Variants in MAGI1 observed in about 807,000 individuals in gnomAD.
MAGI1 encodes membrane-associated guanylate kinase, WW and PDZ domain-containing protein 1.
MAGI1 carries 58 observed loss-of-function variants against 139.9 expected under a neutral mutation model. The ratio of observed to expected loss-of-function variants is 0.41; its 90% CI spans 0.34 to 0.52. The LOEUF (loss-of-function observed/expected upper bound fraction) is 0.52. Ranked by LOEUF, MAGI1 falls within the 20% of genes least tolerant of loss-of-function variation. The pLI is 0.12. For missense variants in MAGI1, 1,874 were observed against 1,901.6 expected, an observed-to-expected ratio of 0.99 and a Z score of 0.27; for synonymous variants, 812 against 737.9, an observed-to-expected ratio of 1.10 and a Z score of -1.63.
At chr3:65,737,257 A>G (rs1225570871) in intron 1 of MAGI1, among the ~76,000 whole-genome samples, 1 of 152,198 alleles carries the variant, frequency 6.6e-6, no homozygotes, top group South Asian at 2.1e-4. Flanking sequence ...CACCTGCCTC[A>G]GCCTCCCAAA....
intron 1 of MAGI1, among the ~76,000 whole-genome samples, chr3:65,899,508 A>G (rs2061127830): frequency 6.6e-6 from 1 of 152,246 alleles, no homozygotes. Context: ...AGAGGTGCTG[A>G]CAGATAATGG....
chr3:65,478,620 G>T lies in MAGI1; in HGVS notation c.729C>A (p.Asp243Glu). 1 of 1,613,986 alleles carries T rather than the reference G, an allele frequency of 6.2e-7. No individual in the cohort carries two copies. Among genetic ancestry groups the T allele is most frequent in the Non-Finnish European group, 8.5e-7 (1 of 1,179,960 alleles). The change falls in exon 4 of 23, where the codon GAC becomes GAA. Residue 243 changes from aspartate (D) to glutamate (E), a missense_variant. Asp to Glu is a conservative substitution (Grantham distance 45). This residue lies in a region of MAGI1 where 648 missense variants were observed against 598.1 expected (regional missense o/e 1.08). Transcript: ENST00000402939. ...IVHAENEEED[D>E]VPEMNSSFTA... Reference sequence around the variant, plus strand: ...TAAAGCTGCTGTTCATTTCAGGAACGTCATCCTCCTCCTCATTCTCCGCGT... The same window carrying T: ...TAAAGCTGCTGTTCATTTCAGGAACTTCATCCTCCTCCTCATTCTCCGCGT...
At chr3:65,636,262 G>T (rs2084608241) in intron 1 of MAGI1, among the ~76,000 whole-genome samples, 1 of 152,078 alleles carries the variant, frequency 6.6e-6, no homozygotes, top group African/African-American at 2.4e-5. Context: ...CTCTCTGATT[G>T]ACCACAGCTC....
chr3:65,809,930 C>A (rs937135348), intron 1 of MAGI1, among the ~76,000 whole-genome samples: 5 of 151,948 alleles, frequency 3.3e-5, no homozygotes, highest in Non-Finnish European at 1.5e-5. Flanking sequence ...CCCACCCCAA[C>A]TCTTCTCCCA....
chr3:65,731,309 C>T (rs959681445), intron 1 of MAGI1, among the ~76,000 whole-genome samples: 2 of 152,028 alleles, frequency 1.3e-5, no homozygotes, highest in East Asian at 3.9e-4. Context: ...TCACACAGTC[C>T]ACCTTAAAAC....
At chr3:65,774,322 T>C (rs1192034147) in intron 1 of MAGI1, among the ~76,000 whole-genome samples, 1 of 152,196 alleles carries the variant, frequency 6.6e-6, no homozygotes, top group African/African-American at 2.4e-5. Flanking sequence ...AATACCACTG[T>C]TGTCTCCACC....
chr3:65,826,401 T>G (rs1172242589), intron 1 of MAGI1, among the ~76,000 whole-genome samples: 1 of 152,230 alleles, frequency 6.6e-6, no homozygotes, highest in African/African-American at 2.4e-5. Context: ...TTTAAACATG[T>G]GTTGAAAGAG....
rs1332260829 is a variant in MAGI1 at position 65,530,173 on chromosome 3, T to C, written c.431-36542A>G. 3.3e-5 allele frequency among the ~76,000 whole-genome samples: 5 copies of C among 152,146 alleles called. No individual in the cohort carries two copies. In the South Asian group the frequency reaches 6.2e-4, roughly 19 times the overall value. On this transcript the variant is annotated intron_variant, in intron 2 of 22. Coordinates refer to ENST00000402939, the MANE Select transcript of MAGI1 (RefSeq NM_001033057.2). The stretch of plus-strand genomic sequence containing the variant: ...GCCATAATCATATCCAAGGTTAAAA[T>C]AGAGAAGGTGATCCCTAGTGTTCAG...
At chr3:65,850,570 C>T (rs1357621515) in intron 1 of MAGI1, among the ~76,000 whole-genome samples, 2 of 152,182 alleles carry the variant, frequency 1.3e-5, no homozygotes, top group Non-Finnish European at 2.9e-5. Context: ...TAATAGAATA[C>T]GATATAAACT....
chr3:65,470,098 T>G, intron 5 of MAGI1, 185 bp downstream of exon 5: 1 of 521,340 alleles, frequency 1.9e-6, no homozygotes, highest in African/African-American at 1.9e-5. Context: ...CTCAAACTGT[T>G]GAGAATCGAT....
chr3:65,719,251 C>T (rs1170190569), intron 1 of MAGI1, among the ~76,000 whole-genome samples: 1 of 151,582 alleles, frequency 6.6e-6, no homozygotes, highest in Non-Finnish European at 1.5e-5. Flanking sequence ...ATATATATTA[C>T]ATACAATACA....
chr3:65,455,025 A>G (rs1949298851), intron 5 of MAGI1, among the ~76,000 whole-genome samples: 2 of 152,244 alleles, frequency 1.3e-5, no homozygotes, highest in Admixed American at 6.5e-5. Context: ...GTTTTGCACT[A>G]GAATCCACAG....
intron 1 of MAGI1, among the ~76,000 whole-genome samples, chr3:65,714,854 G>A (rs1173237418): frequency 2.0e-5 from 3 of 152,112 alleles, no homozygotes; most frequent in Non-Finnish European, 4.4e-5. Context: ...TTACCACTGT[G>A]ACCAAGCCTG....
intron 2 of MAGI1, among the ~76,000 whole-genome samples, chr3:65,515,458 C>T (rs1215853891): frequency 1.3e-5 from 2 of 152,184 alleles, no homozygotes; most frequent in African/African-American, 4.8e-5. Flanking sequence ...TAAATGAATA[C>T]TAACTAATGT....
At chr3:65,635,685 G>A (rs979012360) in intron 1 of MAGI1, among the ~76,000 whole-genome samples, 2 of 152,202 alleles carry the variant, frequency 1.3e-5, no homozygotes, top group Admixed American at 6.5e-5. Context: ...AAATACAACT[G>A]AGATCCCATT....
intron 2 of MAGI1, among the ~76,000 whole-genome samples, chr3:65,508,129 C>T (rs1350318361): frequency 1.3e-5 from 2 of 152,230 alleles, no homozygotes; most frequent in African/African-American, 4.8e-5. Flanking sequence ...ATCGGCCGGG[C>T]GCGGTGGCTC....
intron 1 of MAGI1, among the ~76,000 whole-genome samples, chr3:66,012,519 C>T (rs777810726): frequency 1.3e-5 from 2 of 151,832 alleles, no homozygotes; most frequent in Non-Finnish European, 2.9e-5. Context: ...AACAGACAAC[C>T]ATTTGGGAGC....
chr3:66,010,454 C>G (rs1045390055), intron 1 of MAGI1, among the ~76,000 whole-genome samples: 1 of 152,180 alleles, frequency 6.6e-6, no homozygotes, highest in African/African-American at 2.4e-5. Context: ...GCCCAACAAG[C>G]CTGCTTCACT....
intron 2 of MAGI1, among the ~76,000 whole-genome samples, chr3:65,609,193 T>C (rs989168486): frequency 2.0e-5 from 3 of 152,146 alleles, no homozygotes; most frequent in African/African-American, 7.2e-5. Flanking sequence ...GTGGTGCATG[T>C]GTGTGCGTAA....
Sources: allele counts gnomAD v4.1 joint callset (sites outside exome capture counted in the v4.1 genomes callset), GRCh38; gene constraint gnomAD v4.1.1; regional missense constraint gnomAD v4.1.1; transcripts MANE v1.5; gene names NCBI Gene and HGNC (gene_info 2026-07-23, HGNC 2026-07-21).